Variants in TOM1 observed in about 807,000 individuals in gnomAD.
TOM1 encodes the protein target of Myb protein 1.
A neutral mutation model predicts 61.3 loss-of-function variants in TOM1; 38 were observed. That is an observed-to-expected ratio of 0.62 (90% CI 0.48 to 0.81). TOM1 has a LOEUF of 0.81. Among genes scored for constraint, TOM1 ranks in the 40% least tolerant of loss-of-function variants. The probability of loss-of-function intolerance (pLI) is 0.00; values close to 1 mark genes in which losing one functional copy is unlikely to be tolerated. For missense variants in TOM1, 591 were observed against 659.6 expected (o/e 0.90, Z 1.14); for synonymous variants, 270 against 268.8 (o/e 1.00, Z -0.04).
chr22:35,323,023 T>A lies in TOM1; in HGVS notation c.217-5T>A. On this transcript the variant is annotated splice_polypyrimidine_tract_variant and splice_region_variant and intron_variant, in intron 3 of 14. Transcript: ENST00000449058. This position sits in a 1 kb window ranked among gnomAD's most constrained non-coding sequence, Gnocchi z 4.2. ...GGTGCTCGACGGCACCTCTCGGCCCTCCAGGTCTTAGAAACCTGTGTCAAG... is the reference window on the plus strand; with the variant it reads ...GGTGCTCGACGGCACCTCTCGGCCCACCAGGTCTTAGAAACCTGTGTCAAG... The A allele has an allele frequency of 1.2e-6, 2 of 1,613,918 alleles. No homozygotes were observed. Among genetic ancestry groups the A allele is most frequent in the Non-Finnish European group, 1.7e-6 (2 of 1,180,008 alleles).
chr22:35,322,091 C>T (rs989644388), intron 3 of TOM1, 54 bp downstream of exon 3: 10 of 1,547,474 alleles, frequency 6.5e-6, no homozygotes, highest in Non-Finnish European at 8.0e-6. Context: ...CTGAAAGTCA[C>T]CTCCCCTCAG....
upstream of TOM1, chr22:35,299,769 A>G (rs1569012966): frequency 1.0e-5 from 8 of 775,550 alleles, no homozygotes; most frequent in East Asian, 1.9e-4. Flanking sequence ...CGGGGGCGGG[A>G]CCCTGGCGTC....
chr22:35,344,281 C>T (rs133396), intron 12 of TOM1: 3,483 of 152,666 alleles, frequency 0.023, 62 homozygotes, highest in South Asian at 0.041. Context: ...CCCGGCCACC[C>T]GGAAAGCTGG....
upstream of TOM1, chr22:35,299,819 C>A: frequency 6.1e-6 from 8 of 1,310,460 alleles, no homozygotes; most frequent in Non-Finnish European, 8.5e-6. Flanking sequence ...GGTGCCACCG[C>A]CCCGCCCACG....
intron 3 of TOM1, 43 bp from the exon 4 acceptor site, chr22:35,322,985 C>A (rs760661822): frequency 6.2e-7 from 1 of 1,606,026 alleles, no homozygotes; most frequent in South Asian, 1.1e-5. Flanking sequence ...AGCACCTCCT[C>A]TCCTCTGACC....
chr22:35,304,404 C>A (rs1414820580), intron 1 of TOM1, among the ~76,000 whole-genome samples: 1 of 152,210 alleles, frequency 6.6e-6, no homozygotes, highest in Non-Finnish European at 1.5e-5. Context: ...GTTGTCACAG[C>A]CCTCTTCTTT....
At chr22:35,300,040 C>T in intron 1 of TOM1, 60 bp downstream of exon 1, 1 of 1,541,490 alleles carries the variant, frequency 6.5e-7, no homozygotes, top group Non-Finnish European at 8.8e-7. Flanking sequence ...CTTCGGTCCC[C>T]TGGGAAGCCT....
chr22:35,341,922 C>T (rs1929910773), intron 12 of TOM1, among the ~76,000 whole-genome samples: 3 of 152,126 alleles, frequency 2.0e-5, no homozygotes, highest in Admixed American at 2.0e-4. Flanking sequence ...TGGAGTTTGG[C>T]TGGTGGTAAG....
intron 11 of TOM1, 148 bp from the exon 12 acceptor site, chr22:35,338,565 T>C (rs1043783077): frequency 3.4e-5 from 20 of 584,830 alleles, no homozygotes; most frequent in Non-Finnish European, 5.4e-5. Flanking sequence ...AGATCCTAAT[T>C]TCCAGAGGCA....
At chr22:35,339,496 G>A in intron 12 of TOM1, among the ~76,000 whole-genome samples, 1 of 152,216 alleles carries the variant, frequency 6.6e-6, no homozygotes, top group Admixed American at 6.5e-5. Flanking sequence ...TATAATAGAA[G>A]TGTGAGAGGA....
chr22:35,332,880 C>A, intron 8 of TOM1, 101 bp from the exon 9 acceptor site: 1 of 1,164,666 alleles, frequency 8.6e-7, no homozygotes. Context: ...CATAACCCAC[C>A]GTGTTGATGT....
chr22:35,317,902 G>T lies in TOM1; in HGVS notation c.78G>T (p.Gln26His). ...AGAAAGCCACAGATGGCTCCCTGCAGAGCGAGGACTGGGCCCTCAACATGG... is the reference window on the plus strand; with the variant it reads ...AGAAAGCCACAGATGGCTCCCTGCATAGCGAGGACTGGGCCCTCAACATGG... ...RIEKATDGSL[Q>H]SEDWALNMEI... The change falls in exon 2 of 15, where the codon CAG becomes CAT. Residue 26 changes from glutamine to histidine, a missense_variant. Gln to His is a conservative substitution (Grantham distance 24). Transcript: ENST00000449058. 6.2e-7 allele frequency: 1 copy of T among 1,614,144 alleles called. No homozygotes were observed. Among genetic ancestry groups the T allele is most frequent in the Non-Finnish European group, 8.5e-7 (1 of 1,180,002 alleles).
intron 1 of TOM1, among the ~76,000 whole-genome samples, chr22:35,307,720 G>A (rs1379417567): frequency 6.6e-6 from 1 of 152,220 alleles, no homozygotes; most frequent in Non-Finnish European, 1.5e-5. Context: ...GAAGGACGGA[G>A]CCAGGGGAGA....
At chr22:35,318,322 G>A (rs962555599) in intron 2 of TOM1, 13 of 336,488 alleles carry the variant, frequency 3.9e-5, no homozygotes, top group Admixed American at 2.6e-4. Context: ...GCAGGCGGGA[G>A]TGTGTACTAG....
chr22:35,311,864 A>T (rs1167196854), intron 1 of TOM1, among the ~76,000 whole-genome samples: 1 of 152,138 alleles, frequency 6.6e-6, no homozygotes, highest in Non-Finnish European at 1.5e-5. Context: ...ATTGTTCTCC[A>T]TGATGTTGTT....
chr22:35,347,019 C>A (rs758061997), intron 14 of TOM1, 36 bp from the exon 15 acceptor site: 2 of 1,608,636 alleles, frequency 1.2e-6, no homozygotes, highest in Non-Finnish European at 1.7e-6. Context: ...GGGCTCTGGC[C>A]TCAGGGCCTA....
chr22:35,345,991 G>C (rs945229888), intron 13 of TOM1, among the ~76,000 whole-genome samples: 2 of 152,222 alleles, frequency 1.3e-5, no homozygotes, highest in Non-Finnish European at 2.9e-5. Flanking sequence ...CCTCTCGGCT[G>C]CTTCCCAGAG....
intron 1 of TOM1, among the ~76,000 whole-genome samples, chr22:35,311,992 C>G (rs1035069373): frequency 5.9e-5 from 9 of 152,126 alleles, no homozygotes; most frequent in African/African-American, 2.2e-4. Flanking sequence ...CGGTGGCTCA[C>G]GCCTGTAATC....
chr22:35,307,630 C>A (rs967744565), intron 1 of TOM1, among the ~76,000 whole-genome samples: 4 of 152,156 alleles, frequency 2.6e-5, no homozygotes, highest in South Asian at 2.1e-4. Context: ...CTGTGCAAGC[C>A]CTGAGGAGGG....
Sources: gnomAD v4.1 joint callset for allele counts (sites outside exome capture counted in the v4.1 genomes callset) on GRCh38, gnomAD v4.1.1 for gene constraint, Gnocchi (gnomAD v3.1) non-coding constraint, MANE v1.5 for transcripts, NCBI Gene and HGNC (gene_info 2026-07-23, HGNC 2026-07-21) for gene names.